Variants in PTPN9 observed in about 807,000 individuals in gnomAD.
The protein encoded by PTPN9 is tyrosine-protein phosphatase non-receptor type 9.
Under a neutral mutation model 69.8 loss-of-function variants are expected in PTPN9, and 26 were observed. The ratio of observed to expected loss-of-function variants is 0.37; its 90% CI spans 0.27 to 0.52. PTPN9 has a LOEUF of 0.52. Among genes scored for constraint, PTPN9 ranks in the 20% least tolerant of loss-of-function variants. The pLI is 0.91. For synonymous variants in PTPN9, 274 were observed against 272.5 expected (o/e 1.01, Z -0.05); for missense variants, 549 against 740.3 (o/e 0.74, Z 3.00).
intron 7 of PTPN9, among the ~76,000 whole-genome samples, chr15:75,498,970 T>A (rs1410484845): frequency 6.6e-6 from 1 of 152,170 alleles, no homozygotes; most frequent in Non-Finnish European, 1.5e-5. Flanking sequence ...ATTCTGGCTG[T>A]GATATTACAC....
At chr15:75,547,911 T>C (rs771588819) in intron 1 of PTPN9, among the ~76,000 whole-genome samples, 24 of 152,034 alleles carry the variant, frequency 1.6e-4, no homozygotes, top group Non-Finnish European at 3.2e-4. Flanking sequence ...AGTGATCCAC[T>C]TGCCTCAGCC....
intron 1 of PTPN9, among the ~76,000 whole-genome samples, chr15:75,578,078 C>T (rs1001532256): frequency 2.6e-5 from 4 of 152,130 alleles, no homozygotes; most frequent in African/African-American, 9.7e-5. Flanking sequence ...TCAGATGAGA[C>T]GAGGGTAGGG....
intron 1 of PTPN9, among the ~76,000 whole-genome samples, chr15:75,547,029 C>T (rs1268657326): frequency 2.0e-5 from 3 of 151,908 alleles, no homozygotes; most frequent in South Asian, 2.1e-4. Flanking sequence ...GGCACGGTGG[C>T]TCATGCCTGT....
intron 6 of PTPN9, among the ~76,000 whole-genome samples, chr15:75,508,039 C>CAAAAA (rs990909256): frequency 0.084 from 2,779 of 33,248 alleles, no homozygotes; most frequent in Non-Finnish European, 0.11. Context: ...GAGACACTCT[C>CAAAAA]AAAAAAAAAA....
At chr15:75,510,150 A>G (rs1005053909) in intron 5 of PTPN9, among the ~76,000 whole-genome samples, 30 of 152,218 alleles carry the variant, frequency 2.0e-4, no homozygotes, top group African/African-American at 7.0e-4. Flanking sequence ...GATCTAAAAA[A>G]AGGAGATATC....
At position 75,509,388 on chromosome 15, in the gene PTPN9, T is replaced by C. The variant is rs551994747; in HGVS notation, c.529-361A>G. ...AGGAAAAATGAGATCATGAATAAAC[T>C]GAACATTAAACATTTCTCGACCAGG... is the stretch of plus-strand genomic sequence containing the variant. On this transcript the variant is annotated intron_variant, in intron 5 of 12. Coordinates refer to ENST00000618819, the MANE Select transcript of PTPN9 (RefSeq NM_002833.4). Among the ~76,000 whole-genome samples the C allele has an allele frequency of 2.6e-5, 4 of 152,310 alleles. No homozygotes were observed. In the South Asian group the frequency reaches 8.3e-4, roughly 32 times the overall value.
rs1171798528 is a variant in PTPN9 at position 75,523,198 on chromosome 15, C to T, written c.345G>A (p.Arg115=). Residue 115 remains arginine, a synonymous_variant, in exon 4 of 13, where the codon AGG becomes AGA. Transcript: ENST00000618819. ...GGACTGACTTGTGGGGATGATGCAA[C>T]CTGGCAGTAAAGAGGGCAATGGAGG... ...TGASIALFTA[R]LHHPHKSVQH... is the part of the protein sequence containing the mutation. 2.5e-6 allele frequency: 4 copies of T among 1,614,030 alleles called. No individual in the cohort carries two copies.
At chr15:75,557,466 C>T (rs988977148) in intron 1 of PTPN9, among the ~76,000 whole-genome samples, 2 of 151,888 alleles carry the variant, frequency 1.3e-5, no homozygotes, top group Non-Finnish European at 2.9e-5. Flanking sequence ...AATAGTGCTG[C>T]TATGACATGG....
At chr15:75,510,504 T>A (rs181887768) in intron 5 of PTPN9, among the ~76,000 whole-genome samples, 1 of 152,218 alleles carries the variant, frequency 6.6e-6, no homozygotes, top group Admixed American at 6.5e-5. Flanking sequence ...CCCAGAGTGC[T>A]GGGATTATAG....
intron 9 of PTPN9, 55 bp from the exon 10 acceptor site, chr15:75,473,822 T>C (rs1295989104): frequency 7.2e-7 from 1 of 1,392,538 alleles, no homozygotes; most frequent in East Asian, 2.3e-5. Context: ...TTTTTTTCTT[T>C]TGTAGGCGCT....
intron 1 of PTPN9, among the ~76,000 whole-genome samples, chr15:75,565,989 T>C (rs2075124966): frequency 6.6e-6 from 1 of 152,236 alleles, no homozygotes; most frequent in Non-Finnish European, 1.5e-5. Flanking sequence ...AGTCAGACTC[T>C]TCATTTTTCT....
chr15:75,464,606 C>T lies in PTPN9; in HGVS notation c.*4163G>A, dbSNP rs1413458555. Reference sequence around the variant, plus strand: ...ACTTGGGTTTGGTTCAGTGGTAAGACCTCAAAACCACAAAAGAGCTGGGTC... The same window carrying T: ...ACTTGGGTTTGGTTCAGTGGTAAGATCTCAAAACCACAAAAGAGCTGGGTC... On this transcript the variant is annotated 3_prime_UTR_variant, in exon 13 of 13. Transcript: ENST00000618819. 1 of 152,086 alleles carries T rather than the reference C, an allele frequency of 6.6e-6. No individual in the cohort carries two copies. The highest frequency in any genetic ancestry group is 1.5e-5 in the Non-Finnish European group (1 of 68,030). 9.4% of individuals were successfully genotyped at this position (152,086 alleles called of 1,614,324 possible).
intron 1 of PTPN9, among the ~76,000 whole-genome samples, chr15:75,572,608 G>A (rs111784665): frequency 7.2e-5 from 11 of 152,156 alleles, no homozygotes; most frequent in African/African-American, 2.6e-4. Flanking sequence ...CCAGCTACTC[G>A]AGAGGCTGAG....
At chr15:75,528,646 T>C (rs1054590941) in intron 1 of PTPN9, among the ~76,000 whole-genome samples, 1 of 150,836 alleles carries the variant, frequency 6.6e-6, no homozygotes, top group African/African-American at 2.4e-5. Flanking sequence ...CCTCTCATGA[T>C]CCCTCTCAAA....
intron 1 of PTPN9, among the ~76,000 whole-genome samples, chr15:75,536,869 C>T (rs1316839213): frequency 1.3e-5 from 2 of 152,090 alleles, no homozygotes; most frequent in African/African-American, 2.4e-5. Context: ...AGGTAAGTTC[C>T]CTGAAGACAG....
intron 7 of PTPN9, among the ~76,000 whole-genome samples, chr15:75,500,132 A>G (rs1168211283): frequency 2.6e-5 from 4 of 151,958 alleles, no homozygotes; most frequent in Non-Finnish European, 5.9e-5. Flanking sequence ...TGGCCAACAC[A>G]GTGAAACCCC....
At chr15:75,524,611 C>T (rs1401978827) in intron 2 of PTPN9, among the ~76,000 whole-genome samples, 1 of 151,768 alleles carries the variant, frequency 6.6e-6, no homozygotes, top group Non-Finnish European at 1.5e-5. Flanking sequence ...AACCTTGTCT[C>T]GGCTAAAAAT....
intron 1 of PTPN9, among the ~76,000 whole-genome samples, chr15:75,571,651 C>T (rs1388619365): frequency 6.6e-6 from 1 of 151,950 alleles, no homozygotes; most frequent in East Asian, 1.9e-4. Context: ...AATCCCAGCA[C>T]TTTGGGAGGC....
chr15:75,496,527 C>T (rs1414961167), intron 7 of PTPN9, among the ~76,000 whole-genome samples: 5 of 145,392 alleles, frequency 3.4e-5, no homozygotes, highest in Admixed American at 2.1e-4. Context: ...GACAGGGTCT[C>T]GCTCTGTATT....
Sources: gnomAD v4.1 joint callset for allele counts (sites outside exome capture counted in the v4.1 genomes callset) on GRCh38, gnomAD v4.1.1 for gene constraint, MANE v1.5 for transcripts, NCBI Gene and HGNC (gene_info 2026-07-23, HGNC 2026-07-21) for gene names.